Variants in ALDH7A1 observed in about 807,000 individuals in gnomAD.
ALDH7A1 encodes the protein alpha-aminoadipic semialdehyde dehydrogenase.
Under a neutral mutation model 79.9 loss-of-function variants are expected in ALDH7A1, and 63 were observed. The observed-to-expected ratio is 0.79, with a 90% confidence interval of 0.64 to 0.97. The LOEUF is 0.97. Among genes scored for constraint, ALDH7A1 ranks in the 50% least tolerant of loss-of-function variants. The probability of loss-of-function intolerance (pLI) is 0.00; values close to 1 mark genes in which losing one functional copy is unlikely to be tolerated. For missense variants in ALDH7A1, 627 were observed against 665.2 expected (o/e 0.94, Z 0.63); for synonymous variants, 240 against 231.2 (o/e 1.04, Z -0.34).
chr5:126,589,766 A>G (rs1561670882), intron 3 of ALDH7A1, among the ~76,000 whole-genome samples: 1 of 129,472 alleles, frequency 7.7e-6, no homozygotes, highest in Non-Finnish European at 1.6e-5. Context: ...CAGCCACCCA[A>G]CTGACTGGGA....
intron 3 of ALDH7A1, chr5:126,588,035 A>C (rs1269953056): frequency 6.6e-6 from 1 of 152,216 alleles, no homozygotes; most frequent in African/African-American, 2.4e-5. Flanking sequence ...AGTATGAGAA[A>C]GGATGTTAGG....
intron 10 of ALDH7A1, among the ~76,000 whole-genome samples, chr5:126,560,436 A>G (rs1750365940): frequency 6.6e-6 from 1 of 152,114 alleles, no homozygotes. Context: ...GCACCACTGC[A>G]CTCCAGCCTG....
intron 3 of ALDH7A1, among the ~76,000 whole-genome samples, chr5:126,591,130 A>G (rs895486227): frequency 2.6e-5 from 4 of 152,186 alleles, no homozygotes; most frequent in African/African-American, 9.7e-5. Flanking sequence ...CTAAAAAAAA[A>G]GAATATTTAT....
chr5:126,580,636 A>T (rs1751140382), intron 5 of ALDH7A1, among the ~76,000 whole-genome samples: 1 of 152,158 alleles, frequency 6.6e-6, no homozygotes, highest in Non-Finnish European at 1.5e-5. Flanking sequence ...TAACCTAATA[A>T]CCATCATGGA....
intron 7 of ALDH7A1, among the ~76,000 whole-genome samples, chr5:126,574,511 C>T (rs934165076): frequency 3.3e-5 from 5 of 150,578 alleles, no homozygotes; most frequent in East Asian, 2.0e-4. Flanking sequence ...CTGGCTAACA[C>T]GGTGAAACCC....
rs144910912 is a variant in ALDH7A1, at chr5:126,549,819, A to T, written c.1489+110T>A. 5.7e-4 allele frequency: 568 copies of T among 998,990 alleles called. 2 individuals are homozygous for T. In the African/African-American group the frequency reaches 8.2e-3, roughly 14 times the overall value. 61.9% of individuals were successfully genotyped at this position (998,990 alleles called of 1,614,324 possible). The stretch of plus-strand genomic sequence containing the variant: ...CAGATATGTTAGATCACATAAGGTT[A>T]TTTCAGAATATAAGGAGTGTTTCAG... On this transcript the variant is annotated intron_variant, in intron 16 of 17. Coordinates refer to ENST00000409134, the MANE Select transcript of ALDH7A1 (RefSeq NM_001182.5).
At position 126,552,122 on chromosome 5, in the gene ALDH7A1, C is replaced by T. The variant is rs1266251678; in HGVS notation, c.1216G>A (p.Gly406Arg). The T allele has an allele frequency of 1.9e-6, 3 of 1,613,820 alleles. No individual in the cohort carries two copies. The highest frequency in any genetic ancestry group is 2.2e-5 in the East Asian group (1 of 44,868). ...VYGGKVMDRP[G>R]NYVEPTIVTG... ...ACAATTGTCGGTTCTACATAATTTC[C>T]AGGGCGATCCATAACCTAATGCAGA... is the stretch of plus-strand genomic sequence containing the variant. The change falls in exon 14 of 18, where the codon GGA (glycine) becomes AGA (arginine). Residue 406 changes from glycine (G) to arginine (R), a missense_variant. Transcript: ENST00000409134.
Position 126,543,150 on chromosome 5 carries a change from C to T in ALDH7A1, c.*1815G>A, listed in dbSNP as rs1561644499. 1 of 152,144 alleles carries T rather than the reference C, an allele frequency of 6.6e-6. No individual in the cohort carries two copies. The highest frequency in any genetic ancestry group is 1.5e-5 in the Non-Finnish European group (1 of 68,032). The allele number at this position is 152,144 out of a possible 1,614,324, so 9.4% of individuals were successfully genotyped here. On this transcript the variant is annotated 3_prime_UTR_variant, in exon 18 of 18. Coordinates refer to ENST00000409134, the MANE Select transcript of ALDH7A1 (RefSeq NM_001182.5). ...ACCAGTAATAACACTTACAAATGTA[C>T]ATTTTAACTTGGATAGTTAAAAATA...
At chr5:126,567,838 C>CAA (rs1561658973) in intron 9 of ALDH7A1, 1 of 169,910 alleles carries the variant, frequency 5.9e-6, no homozygotes, top group Non-Finnish European at 1.2e-5. Context: ...GGCTGGAGTG[C>CAA]AATGGCGCCA....
chr5:126,593,751 C>T (rs1751640059), intron 1 of ALDH7A1: 3 of 385,918 alleles, frequency 7.8e-6, no homozygotes, highest in South Asian at 7.6e-5. Flanking sequence ...TCTGCCCACC[C>T]TCTGCTCAGA....
chr5:126,576,251 A>G (rs1750963821), intron 6 of ALDH7A1, among the ~76,000 whole-genome samples: 2 of 141,356 alleles, frequency 1.4e-5, no homozygotes, highest in South Asian at 2.5e-4. Context: ...CGACAGAGCA[A>G]GACTCTGTCA....
intron 11 of ALDH7A1, among the ~76,000 whole-genome samples, chr5:126,558,038 C>T (rs959083852): frequency 3.3e-5 from 5 of 151,428 alleles, no homozygotes; most frequent in East Asian, 3.9e-4. Flanking sequence ...CAGGGTGGCA[C>T]GTGCCTGTAG....
rs375491094 is a variant in ALDH7A1, at chr5:126,582,874, C to G, written c.494G>C (p.Gly165Ala). The G allele has an allele frequency of 2.0e-4, 321 of 1,612,734 alleles. 2 individuals carry two copies. The South Asian group carries it at 3.4e-3, about 17-fold the overall frequency. The change falls in exon 5 of 18, where the codon GGA (glycine) becomes GCA (alanine). Residue 165 changes from glycine to alanine, a missense_variant. By Grantham distance (60) the Gly-to-Ala change is moderately conservative. Transcript: ENST00000409134. ...ACTTTCAGAAGGCAAGATAGGTCCT[C>G]CAATCATCCTTGATAAACCAACAGC... ...DYAVGLSRMI[G>A]GPILPSERSG...
chr5:126,558,118 G>A (rs1352626477), intron 11 of ALDH7A1, among the ~76,000 whole-genome samples: 10 of 120,418 alleles, frequency 8.3e-5, no homozygotes, highest in Non-Finnish European at 1.3e-4. Context: ...CAGTGAGCAA[G>A]ATCGCGCCAC....
intron 13 of ALDH7A1, chr5:126,553,300 T>C (rs1750067082): frequency 6.6e-6 from 1 of 152,238 alleles, no homozygotes; most frequent in Admixed American, 6.5e-5. Context: ...TGGAATACTT[T>C]TTAAAATACG....
intron 5 of ALDH7A1, among the ~76,000 whole-genome samples, chr5:126,578,485 T>C (rs1751054466): frequency 6.6e-6 from 1 of 150,554 alleles, no homozygotes; most frequent in Admixed American, 6.6e-5. Context: ...ACAAAAAAAA[T>C]TAAAAATTAG....
intron 8 of ALDH7A1, 118 bp from the exon 9 acceptor site, chr5:126,568,474 G>A: frequency 4.5e-6 from 4 of 890,350 alleles, no homozygotes; most frequent in Non-Finnish European, 7.5e-6. Flanking sequence ...CTACAAGAAA[G>A]TCTGTCCCAG....
chr5:126,590,761 C>A (rs558615039), intron 3 of ALDH7A1, among the ~76,000 whole-genome samples: 93 of 151,906 alleles, frequency 6.1e-4, no homozygotes, highest in African/African-American at 2.2e-3. Context: ...GTGGTGTGTA[C>A]GTGTAATCCC....
At chr5:126,549,349 A>T (rs1329483438) in intron 16 of ALDH7A1, among the ~76,000 whole-genome samples, 4 of 152,054 alleles carry the variant, frequency 2.6e-5, no homozygotes, top group African/African-American at 7.2e-5. Context: ...TTCTATATTT[A>T]AAAAAAACAA....
Sources: gnomAD v4.1 joint callset for allele counts (sites outside exome capture counted in the v4.1 genomes callset) on GRCh38, gnomAD v4.1.1 for gene constraint, MANE v1.5 for transcripts, NCBI Gene and HGNC (gene_info 2026-07-23, HGNC 2026-07-21) for gene names.